Variants in FN1 observed in about 807,000 individuals in gnomAD.
The protein encoded by FN1 is fibronectin.
In FN1, 106 loss-of-function variants were observed where a neutral mutation model predicts 297.3. That is an observed-to-expected ratio of 0.36 (90% CI 0.30 to 0.42). The LOEUF is 0.42. Ranked by LOEUF, FN1 falls within the 10% of genes least tolerant of loss-of-function variation. The pLI is 1.00. For missense variants in FN1, 2,690 were observed against 3,124.9 expected (o/e 0.86, Z 3.32); for synonymous variants, 1,149 against 1,152.6 (o/e 1.00, Z 0.06).
At chr2:215,400,119 T>C (rs1053576857) in intron 20 of FN1, among the ~76,000 whole-genome samples, 21 of 151,102 alleles carry the variant, frequency 1.4e-4, no homozygotes, top group Non-Finnish European at 2.5e-4. Flanking sequence ...ACCCTGGAGA[T>C]AGAAGTTGCA....
Position 215,361,981 on chromosome 2 carries a change from C to T in FN1, c.7350G>A (p.Gln2450=). ...SYNQYSQRYH[Q]RTNTNVNCPI... Reference sequence around the variant, plus strand: ...CTAATGCACTTACAGTGTTTGTTCTCTGATGGTATCTCTGAGAATACTGGT... The same window carrying T: ...CTAATGCACTTACAGTGTTTGTTCTTTGATGGTATCTCTGAGAATACTGGT... The change falls in exon 45 of 46, where the codon CAG becomes CAA. Residue 2450 remains glutamine, a synonymous_variant. Transcript: ENST00000354785. The T allele has an allele frequency of 1.9e-6, 3 of 1,613,570 alleles. No homozygotes were observed.
chr2:215,396,215 A>G (rs2060293820), intron 23 of FN1, among the ~76,000 whole-genome samples: 1 of 152,222 alleles, frequency 6.6e-6, no homozygotes, highest in Non-Finnish European at 1.5e-5. Flanking sequence ...TATCCCTTAA[A>G]TTAACAAGTA....
intron 34 of FN1, 24 bp from the exon 35 acceptor site, chr2:215,378,286 G>A (rs1485100305): frequency 7.3e-7 from 1 of 1,373,858 alleles, no homozygotes; most frequent in Non-Finnish European, 1.0e-6. Flanking sequence ...GGCATGGTGA[G>A]CTTTAGCAAC....
In FN1 at chr2:215,365,667, T is replaced by C. The variant is rs188108747; in HGVS notation, c.7019-37A>G. On this transcript the variant is annotated intron_variant, in intron 42 of 45. Transcript: ENST00000354785. ...GGGAAAGTCAGGACCAAAAAGTTATTTGTATATTCTGACTCACAAGACAGT... is the reference window on the plus strand; with the variant it reads ...GGGAAAGTCAGGACCAAAAAGTTATCTGTATATTCTGACTCACAAGACAGT... 1.3e-3 allele frequency: 2,120 copies of C among 1,610,704 alleles called. 2 individuals carry two copies. Among genetic ancestry groups the C allele is most frequent in the Non-Finnish European group, 1.6e-3 (1,848 of 1,177,516 alleles).
In FN1 at chr2:215,367,903, G is replaced by A; in HGVS notation, c.6978C>T (p.Cys2326=). 6.2e-7 allele frequency: 1 copy of A among 1,614,086 alleles called. No homozygotes were observed. Among genetic ancestry groups the A allele is most frequent in the Non-Finnish European group, 8.5e-7 (1 of 1,179,978 alleles). Residue 2326 remains cysteine, a synonymous_variant, in exon 42 of 46, where the codon TGC becomes TGT. Coordinates refer to ENST00000354785, the MANE Select transcript of FN1 (RefSeq NM_212482.4). ...SESGFKLLCQ[C]LGFGSGHFRC... Reference sequence around the variant, plus strand: ...TGAAATGACCACTTCCAAAGCCTAAGCACTGGCACAACAGTTTAAAGCCTG... The same window carrying A: ...TGAAATGACCACTTCCAAAGCCTAAACACTGGCACAACAGTTTAAAGCCTG...
intron 23 of FN1, among the ~76,000 whole-genome samples, chr2:215,395,347 G>A (rs994168482): frequency 5.9e-5 from 9 of 152,058 alleles, no homozygotes; most frequent in Non-Finnish European, 1.0e-4. Flanking sequence ...AGACCAGCCT[G>A]GCCAACACGG....
Position 215,380,922 on chromosome 2 carries a change from C to T in FN1, c.5323G>A (p.Glu1775Lys). Residue 1775 changes from glutamate to lysine, a missense_variant, in exon 33 of 46, where the codon GAA (glutamate) becomes AAA (lysine). Around this residue, in one of 3 missense-constraint regions of FN1, gnomAD observed 1,743 missense variants for 1,945.2 expected, o/e 0.90. Coordinates refer to ENST00000354785, the MANE Select transcript of FN1 (RefSeq NM_212482.4). ...HELFPAPDGE[E>K]DTAELQGLRP... ...AGGCCTTGCAGCTCTGCAGTGTCTT[C>T]TTCACCATCAGGTGCAGGGAATAGC... The T allele has an allele frequency of 6.2e-7, 1 of 1,614,236 alleles. No individual in the cohort carries two copies. The highest frequency in any genetic ancestry group is 8.5e-7 in the Non-Finnish European group (1 of 1,180,038).
intron 11 of FN1, 141 bp downstream of exon 11, chr2:215,420,532 A>G: frequency 2.9e-6 from 3 of 1,038,732 alleles, no homozygotes; most frequent in Non-Finnish European, 4.4e-6. Flanking sequence ...ATTAGAGAGA[A>G]GACTTTGCAA....
rs755939464 is a variant in FN1, at chr2:215,386,795, A to G, written c.4506T>C (p.Asn1502=). 6.7e-5 allele frequency: 108 copies of G among 1,613,808 alleles called. No individual in the cohort carries two copies. Among genetic ancestry groups the G allele is most frequent in the Non-Finnish European group, 8.6e-5 (102 of 1,179,984 alleles). The change falls in exon 28 of 46, where the codon AAT becomes AAC. Residue 1502 remains asparagine (N), a synonymous_variant. Coordinates refer to ENST00000354785, the MANE Select transcript of FN1 (RefSeq NM_212482.4). ...PREDRVPHSR[N]SITLTNLTPG... ...GAGTGAGGTTGGTGAGGGTGATGGA[A>G]TTCCGAGAGTGGGGCACCCGATCTT...
chr2:215,406,889 C>T (rs2061845825), intron 18 of FN1, among the ~76,000 whole-genome samples: 1 of 152,122 alleles, frequency 6.6e-6, no homozygotes, highest in Non-Finnish European at 1.5e-5. Flanking sequence ...TGAAATGACC[C>T]TTAAGCTTCT....
chr2:215,381,243 T>C (rs1470114003), intron 32 of FN1, 163 bp from the exon 33 acceptor site: 4 of 707,720 alleles, frequency 5.7e-6, no homozygotes, highest in Non-Finnish European at 9.8e-6. Flanking sequence ...TAATTTTTCT[T>C]GGTTTAGAAA....
intron 12 of FN1, among the ~76,000 whole-genome samples, chr2:215,418,327 G>A (rs2063723062): frequency 6.6e-6 from 1 of 152,176 alleles, no homozygotes; most frequent in Non-Finnish European, 1.5e-5. Flanking sequence ...GAGGAATGAG[G>A]CTTGGCTAAC....
chr2:215,432,059 A>G, intron 3 of FN1, 95 bp from the exon 4 acceptor site: 1 of 1,438,778 alleles, frequency 7.0e-7, no homozygotes, highest in Non-Finnish European at 9.7e-7. Context: ...AGGTTGGCTA[A>G]AGTAGAGACA....
rs954047971 is a variant in FN1 at position 215,392,466 on chromosome 2, C to T, written c.4069+465G>A. ...CCTACCTCAAAACAATGCCCATCCA[C>T]TCTACCCTAAATTTTGATGGGTTTT... is the stretch of plus-strand genomic sequence containing the variant. On this transcript the variant is annotated intron_variant, in intron 25 of 45. Transcript: ENST00000354785. The T allele has an allele frequency of 1.9e-5, 4 of 211,158 alleles. No individual in the cohort carries two copies. In the South Asian group the frequency reaches 2.1e-4, roughly 11 times the overall value. 13.1% of individuals were successfully genotyped at this position (211,158 alleles called of 1,614,324 possible). A position where few individuals can be genotyped will look rare whatever the true frequency, so the allele number is the denominator to read the frequency against.
chr2:215,391,931 GCAAA>G (rs1252738220), intron 25 of FN1, 117 bp from the exon 26 acceptor site: 2 of 848,442 alleles, frequency 2.4e-6, no homozygotes, highest in Admixed American at 2.0e-5. Context: ...TCATAATCAT[GCAAA>G]CAGTCTAATC....
chr2:215,425,546 T>G (rs1014542445), intron 6 of FN1, among the ~76,000 whole-genome samples: 3 of 152,112 alleles, frequency 2.0e-5, no homozygotes, highest in African/African-American at 7.2e-5. Flanking sequence ...TGTTTGTTTG[T>G]TTTTTGGTTT....
At position 215,431,946 on chromosome 2, in the gene FN1, C is replaced by T; in HGVS notation, c.434G>A (p.Gly145Asp). 2 of 1,614,124 alleles carry T rather than the reference C, an allele frequency of 1.2e-6. No individual in the cohort carries two copies. The highest frequency in any genetic ancestry group is 1.7e-6 in the Non-Finnish European group (2 of 1,179,990). ...GGTGTCACCAATCTTGTAGGACTGA[C>T]CCCCTTCATGGCAGCGGTCTGTTGA... ...CTIANRCHEGGQSYKIGDTWR... is the reference protein window; with the variant it reads ...CTIANRCHEGDQSYKIGDTWR... Residue 145 changes from glycine to aspartate, a missense_variant, in exon 4 of 46, where the codon GGT becomes GAT. By Grantham distance (94) the Gly-to-Asp change is moderately conservative. Around this residue, in one of 3 missense-constraint regions of FN1, gnomAD observed 876 missense variants for 1,058.1 expected, o/e 0.83. Coordinates refer to ENST00000354785, the MANE Select transcript of FN1 (RefSeq NM_212482.4).
At chr2:215,376,777 C>T in intron 35 of FN1, 103 bp from the exon 36 acceptor site, 1 of 970,752 alleles carries the variant, frequency 1.0e-6, no homozygotes, top group Non-Finnish European at 1.6e-6. Context: ...TCATCCATTT[C>T]AAGAAATATA....
At position 215,410,001 on chromosome 2, in the gene FN1, C is replaced by A. The variant is rs941862241; in HGVS notation, c.2055G>T (p.Gln685His). 3.1e-6 allele frequency: 5 copies of A among 1,614,004 alleles called. No individual in the cohort carries two copies. The highest frequency in any genetic ancestry group is 3.3e-5 in the Admixed American group (2 of 60,004). The change falls in exon 14 of 46, where the codon CAG (glutamine) becomes CAT (histidine). Residue 685 changes from glutamine (Q) to histidine (H), a missense_variant. Coordinates refer to ENST00000354785, the MANE Select transcript of FN1 (RefSeq NM_212482.4). ...GAGTCACTTCTTGGTGGCCGTACTG[C>A]TGGATGCTGATGAGCTGGCCCTCGT... ...VVYEGQLISI[Q>H]QYGHQEVTRF...
Sources: gnomAD v4.1 joint callset for allele counts (sites outside exome capture counted in the v4.1 genomes callset) on GRCh38, gnomAD v4.1.1 for gene constraint, gnomAD v4.1.1 regional missense constraint, MANE v1.5 for transcripts, NCBI Gene and HGNC (gene_info 2026-07-23, HGNC 2026-07-21) for gene names.